Variants in STK3 observed in about 807,000 individuals in gnomAD.
STK3 encodes serine/threonine-protein kinase 3.
A neutral mutation model predicts 58.0 loss-of-function variants in STK3; 41 were observed. That is an observed-to-expected ratio of 0.71 (90% CI 0.55 to 0.92). STK3 has a LOEUF of 0.92. STK3 is among the 40% of genes least tolerant of loss of function. The pLI is 0.00. For synonymous variants in STK3, 170 were observed against 191.0 expected (o/e 0.89, Z 0.91); for missense variants, 479 against 602.7 (o/e 0.79, Z 2.15).
At chr8:98,840,508 G>A (rs1296494239) in intron 3 of STK3, among the ~76,000 whole-genome samples, 1 of 145,738 alleles carries the variant, frequency 6.9e-6, no homozygotes. Flanking sequence ...GGAGGTGGAG[G>A]CTGCAGTGAG....
intron 4 of STK3, among the ~76,000 whole-genome samples, chr8:98,744,024 CAAT>C (rs1829455844): frequency 6.6e-6 from 1 of 151,922 alleles, no homozygotes; most frequent in African/African-American, 2.4e-5. Context: ...ATCAAAACCA[CAAT>C]GAGATACCAT....
chr8:98,644,651 AT>A (rs1261237557), intron 6 of STK3, among the ~76,000 whole-genome samples: 1 of 152,178 alleles, frequency 6.6e-6, no homozygotes, highest in Non-Finnish European at 1.5e-5. Context: ...TATTTATTAT[AT>A]TAAAATATTT....
chr8:98,491,585 C>T (rs1008036563), intron 10 of STK3, among the ~76,000 whole-genome samples: 7 of 152,212 alleles, frequency 4.6e-5, no homozygotes, highest in Admixed American at 4.6e-4. Flanking sequence ...GAATTACAAG[C>T]GTGTGCCACT....
At chr8:98,481,076 G>T (rs553590053) in intron 10 of STK3, among the ~76,000 whole-genome samples, 1 of 152,046 alleles carries the variant, frequency 6.6e-6, no homozygotes, top group African/African-American at 2.4e-5. Context: ...TTGGGGAGGT[G>T]TATCAGGATA....
At chr8:98,405,351 A>G (rs1397128775) in intron 3 of STK3, among the ~76,000 whole-genome samples, 1 of 152,226 alleles carries the variant, frequency 6.6e-6, no homozygotes, top group East Asian at 1.9e-4. Flanking sequence ...GGATTAAATA[A>G]GTTAATACAC....
chr8:98,859,741 A>C (rs1836858012), intron 3 of STK3, among the ~76,000 whole-genome samples: 1 of 152,204 alleles, frequency 6.6e-6, no homozygotes, highest in Admixed American at 6.5e-5. Flanking sequence ...GACCATGCTT[A>C]TGTATAAGGA....
intron 10 of STK3, among the ~76,000 whole-genome samples, chr8:98,491,397 T>C (rs1203894708): frequency 6.6e-6 from 1 of 152,128 alleles, no homozygotes; most frequent in East Asian, 1.9e-4. Context: ...CTTTAGCAGG[T>C]ATAGGAACAA....
chr8:98,686,149 T>C (rs1823984022), intron 6 of STK3, among the ~76,000 whole-genome samples: 1 of 152,182 alleles, frequency 6.6e-6, no homozygotes, highest in Admixed American at 6.5e-5. Flanking sequence ...AGTGAACATG[T>C]CTGCTGTGCT....
intron 1 of STK3, among the ~76,000 whole-genome samples, chr8:98,887,276 G>A (rs985319017): frequency 2.0e-5 from 3 of 152,108 alleles, no homozygotes; most frequent in Non-Finnish European, 4.4e-5. Context: ...AATTTTCTGA[G>A]TGCTGAAATG....
At chr8:98,891,090 A>G (rs1838183472) in intron 1 of STK3, among the ~76,000 whole-genome samples, 1 of 152,198 alleles carries the variant, frequency 6.6e-6, no homozygotes, top group Non-Finnish European at 1.5e-5. Flanking sequence ...GCCTCCTAAC[A>G]GTTGTTAAAT....
At chr8:98,529,847 A>G (rs150609036) in intron 9 of STK3, among the ~76,000 whole-genome samples, 2 of 152,284 alleles carry the variant, frequency 1.3e-5, no homozygotes, top group East Asian at 3.9e-4. Context: ...AGAAAACAGA[A>G]TGGTGGTTGC....
At chr8:98,685,154 C>T (rs1823897936) in intron 6 of STK3, among the ~76,000 whole-genome samples, 1 of 152,170 alleles carries the variant, frequency 6.6e-6, no homozygotes, top group Admixed American at 6.6e-5. Context: ...CAGTATCCCA[C>T]ATTAAAATCC....
intron 4 of STK3, among the ~76,000 whole-genome samples, chr8:98,748,536 T>C (rs1052019479): frequency 6.6e-6 from 1 of 152,060 alleles, no homozygotes; most frequent in Non-Finnish European, 1.5e-5. Context: ...TGTATTTTAC[T>C]GAAACATGGC....
At position 98,526,884 on chromosome 8, in the gene STK3, G is replaced by T; in HGVS notation, c.1175C>A (p.Ser392Tyr). Reference protein sequence around the residue: ...NATSPQVQRPSFMDYFDKQDF... With the variant: ...NATSPQVQRPYFMDYFDKQDF... Reference sequence around the variant, plus strand: ...TTGCTTATCAAAGTAGTCCATGAAAGATGGTCTTTGTACTTGTGGTGAGGT... The same window carrying T: ...TTGCTTATCAAAGTAGTCCATGAAATATGGTCTTTGTACTTGTGGTGAGGT... The change falls in exon 10 of 11, where the codon TCT becomes TAT. Residue 392 changes from serine (S) to tyrosine (Y), a missense_variant. Ser to Tyr is a moderately radical substitution (Grantham distance 144). Coordinates refer to ENST00000419617, the MANE Select transcript of STK3 (RefSeq NM_006281.4). 3 of 1,594,578 alleles carry T rather than the reference G, an allele frequency of 1.9e-6. No homozygotes were observed. The highest frequency in any genetic ancestry group is 2.6e-6 in the Non-Finnish European group (3 of 1,168,198).
intron 3 of STK3, among the ~76,000 whole-genome samples, chr8:98,867,902 T>C (rs574722974): frequency 1.3e-5 from 2 of 152,320 alleles, no homozygotes; most frequent in East Asian, 3.9e-4. Flanking sequence ...ATTATAACAT[T>C]CCCATTTATG....
intron 3 of STK3, among the ~76,000 whole-genome samples, chr8:98,414,325 C>A (rs1340375411): frequency 6.6e-6 from 1 of 152,078 alleles, no homozygotes; most frequent in African/African-American, 2.4e-5. Context: ...TAGGGTCTAC[C>A]ATTTCCTCTC....
At chr8:98,577,699 A>G (rs1325554040) in intron 8 of STK3, among the ~76,000 whole-genome samples, 1 of 152,106 alleles carries the variant, frequency 6.6e-6, no homozygotes, top group Non-Finnish European at 1.5e-5. Flanking sequence ...GAACACTTAG[A>G]TTGCAATCTC....
chr8:98,494,853 A>G (rs778272396), intron 10 of STK3, among the ~76,000 whole-genome samples: 16 of 152,038 alleles, frequency 1.1e-4, no homozygotes, highest in Non-Finnish European at 1.9e-4. Flanking sequence ...GGAAGAGAGA[A>G]CAGCAGGAAA....
At chr8:98,622,348 A>G (rs1301906206) in intron 6 of STK3, among the ~76,000 whole-genome samples, 2 of 152,136 alleles carry the variant, frequency 1.3e-5, no homozygotes, top group Non-Finnish European at 2.9e-5. Flanking sequence ...CAAATACTAA[A>G]TAGGATTAGT....
Sources: allele counts gnomAD v4.1 joint callset (sites outside exome capture counted in the v4.1 genomes callset), GRCh38; gene constraint gnomAD v4.1.1; transcripts MANE v1.5; gene names NCBI Gene and HGNC (gene_info 2026-07-23, HGNC 2026-07-21).